Variants in ZNF724 observed in about 807,000 individuals in gnomAD.
ZNF724 encodes the protein zinc finger protein 724.
In ZNF724, 14 loss-of-function variants were observed where a neutral mutation model predicts 29.3. The ratio of observed to expected loss-of-function variants is 0.48; its 90% CI spans 0.32 to 0.75. The LOEUF is 0.75. Ranked by LOEUF, ZNF724 falls within the 30% of genes least tolerant of loss-of-function variation. The probability of loss-of-function intolerance (pLI) is 0.04; values close to 1 mark genes in which losing one functional copy is unlikely to be tolerated. For synonymous variants in ZNF724, 180 were observed against 193.6 expected, an observed-to-expected ratio of 0.93 and a Z score of 0.58; for missense variants, 557 against 571.2, an observed-to-expected ratio of 0.98 and a Z score of 0.25.
intron 3 of ZNF724, among the ~76,000 whole-genome samples, chr19:23,225,682 G>C (rs554456064): frequency 1.3e-5 from 2 of 152,240 alleles, no homozygotes; most frequent in East Asian, 3.9e-4. Context: ...CCTAAAATAA[G>C]ACAGTAACAG....
chr19:23,243,475 C>CAAAA lies in ZNF724; in HGVS notation c.3+6761_3+6764dup, dbSNP rs61241201. On this transcript the variant is annotated intron_variant, in intron 1 of 3. Transcript: ENST00000418100. ...TGAGTGACAGAGCGAGAGTCCATCTCAAAAAAAAAAAAAAAAAAAAAAAAA... is the reference window on the plus strand; with the variant it reads ...TGAGTGACAGAGCGAGAGTCCATCTCAAAAAAAAAAAAAAAAAAAAAAAAAAAAA... 1.0e-2 allele frequency among the ~76,000 whole-genome samples: 310 copies of CAAAA among 31,122 alleles called. 30 individuals are homozygous for CAAAA. Among genetic ancestry groups the CAAAA allele is most frequent in the African/African-American group, 0.024 (158 of 6,486 alleles). The allele number at this position is 31,122 out of a possible 152,430, so 20.4% of individuals were successfully genotyped here.
At chr19:23,242,072 T>A (rs1393702001) in intron 1 of ZNF724, among the ~76,000 whole-genome samples, 1 of 152,170 alleles carries the variant, frequency 6.6e-6, no homozygotes, top group Non-Finnish European at 1.5e-5. Context: ...GTAGCACCTC[T>A]ATACATCAAC....
Position 23,250,350 on chromosome 19 carries a change from G to C in ZNF724, c.-108C>G, listed in dbSNP as rs760632410. On this transcript the variant is annotated 5_prime_UTR_variant, in exon 1 of 4. Coordinates refer to ENST00000418100, the MANE Select transcript of ZNF724 (RefSeq NM_001355404.2). ...CTCTAAGAGCAGGGGACACAAAGCAGGGAAGACGAGACCAAGCGCTCCAGC... is the reference window on the plus strand; with the variant it reads ...CTCTAAGAGCAGGGGACACAAAGCACGGAAGACGAGACCAAGCGCTCCAGC... The C allele has an allele frequency of 2.0e-6, 1 of 506,666 alleles. No individual in the cohort carries two copies. The highest frequency in any genetic ancestry group is 3.9e-6 in the Non-Finnish European group (1 of 253,184). 31.4% of individuals were successfully genotyped at this position (506,666 alleles called of 1,614,324 possible).
At chr19:23,243,233 C>G (rs1972166818) in intron 1 of ZNF724, among the ~76,000 whole-genome samples, 1 of 151,780 alleles carries the variant, frequency 6.6e-6, no homozygotes, top group African/African-American at 2.4e-5. Flanking sequence ...AATCCAAGTA[C>G]TTTTGGAGGC....
At chr19:23,232,787 T>A (rs969699998) in intron 1 of ZNF724, among the ~76,000 whole-genome samples, 1 of 143,202 alleles carries the variant, frequency 7.0e-6, no homozygotes, top group Non-Finnish European at 1.5e-5. Flanking sequence ...AAATATTTTA[T>A]CAAACATCCA....
chr19:23,248,454 C>T (rs1972281326), intron 1 of ZNF724, among the ~76,000 whole-genome samples: 1 of 151,946 alleles, frequency 6.6e-6, no homozygotes, highest in Non-Finnish European at 1.5e-5. Context: ...GCTTGGAACA[C>T]ACGTAAAAAA....
At chr19:23,225,657 G>C (rs1476818244) in intron 3 of ZNF724, among the ~76,000 whole-genome samples, 2 of 151,996 alleles carry the variant, frequency 1.3e-5, no homozygotes, top group African/African-American at 4.8e-5. Context: ...GATAAACTTT[G>C]AGAATATTTT....
At position 23,231,365 on chromosome 19, in the gene ZNF724, T is replaced by G. The variant is rs4932841; in HGVS notation, c.131-4A>C. 727,805 of 1,345,566 alleles carry G rather than the reference T, an allele frequency of 0.54. 202,543 individuals are homozygous for G. Among genetic ancestry groups the G allele is most frequent in the East Asian group, 0.7 (29,937 of 42,668 alleles). 83.4% of individuals were successfully genotyped at this position (1,345,566 alleles called of 1,614,324 possible). On this transcript the variant is annotated splice_region_variant and splice_polypyrimidine_tract_variant and intron_variant, in intron 2 of 3. Transcript: ENST00000418100. ...TCTGGCTTAGAGACAGCAATACCTG[T>G]TTTATTAAAAATAAATAACATGAAT...
intron 1 of ZNF724, among the ~76,000 whole-genome samples, chr19:23,238,014 C>A (rs1274628865): frequency 6.6e-6 from 1 of 152,156 alleles, no homozygotes; most frequent in Non-Finnish European, 1.5e-5. Flanking sequence ...TTGTGCTCCA[C>A]TTTTTGTGTG....
chr19:23,247,110 C>A lies in ZNF724; in HGVS notation c.3+3130G>T, dbSNP rs372769542. 1.2e-4 allele frequency among the ~76,000 whole-genome samples: 19 copies of A among 152,246 alleles called. No homozygotes were observed. In the East Asian group the frequency reaches 3.7e-3, roughly 29 times the overall value. On this transcript the variant is annotated intron_variant, in intron 1 of 3. Transcript: ENST00000418100. ...TGGTGGTGTGCACCTGTAATCCCAG[C>A]TACTCAGGAGGCTGAGGAAGGAGAA...
intron 1 of ZNF724, among the ~76,000 whole-genome samples, chr19:23,234,653 T>C (rs1213417820): frequency 1.3e-5 from 2 of 152,152 alleles, no homozygotes; most frequent in African/African-American, 2.4e-5. Flanking sequence ...GATTTTACCA[T>C]GTTGGACAGG....
At chr19:23,247,593 G>A (rs983050375) in intron 1 of ZNF724, among the ~76,000 whole-genome samples, 16 of 152,112 alleles carry the variant, frequency 1.1e-4, no homozygotes, top group Admixed American at 6.5e-4. Flanking sequence ...ACTGCATTAC[G>A]CCCCAATGAG....
chr19:23,249,154 T>C (rs572092112), intron 1 of ZNF724, among the ~76,000 whole-genome samples: 5 of 151,852 alleles, frequency 3.3e-5, no homozygotes, highest in African/African-American at 1.2e-4. Context: ...GCCCCTCTTA[T>C]AAACCAAAAA....
intron 1 of ZNF724, among the ~76,000 whole-genome samples, chr19:23,242,206 C>T (rs1465458939): frequency 6.6e-6 from 1 of 152,132 alleles, no homozygotes; most frequent in Non-Finnish European, 1.5e-5. Flanking sequence ...TTACAAAACA[C>T]TGCTCAAAGA....
intron 1 of ZNF724, among the ~76,000 whole-genome samples, chr19:23,240,739 A>T (rs895752366): frequency 7.3e-5 from 11 of 150,172 alleles, no homozygotes; most frequent in Admixed American, 7.3e-4. Context: ...AAAAAAAAAA[A>T]TGGCAACAGA....
Position 23,223,968 on chromosome 19 carries a change from C to A in ZNF724, c.277G>T (p.Ala93Ser). The A allele has an allele frequency of 1.4e-6, 1 of 726,910 alleles. No individual in the cohort carries two copies. Among genetic ancestry groups the A allele is most frequent in the Admixed American group, 2.1e-5 (1 of 47,962 alleles). The allele number at this position is 726,910 out of a possible 1,614,324, so 45.0% of individuals were successfully genotyped here. A position where few individuals can be genotyped will look rare whatever the true frequency, so the allele number is the denominator to read the frequency against. Reference protein sequence around the residue: ...QDLRPEQSIKASLQRIILRKY... With the variant: ...QDLRPEQSIKSSLQRIILRKY... ...CTCAGTATTATTCTTTGCAAAGAAG[C>A]TTTTATGCTCTGCTCTGGCCGAAGG... Residue 93 changes from alanine (A) to serine (S), a missense_variant, in exon 4 of 4, where the codon GCT becomes TCT. By Grantham distance (99) the Ala-to-Ser change is moderately conservative. Coordinates refer to ENST00000418100, the MANE Select transcript of ZNF724 (RefSeq NM_001355404.2).
Position 23,231,285 on chromosome 19 carries a change from C to T in ZNF724, c.207G>A (p.Glu69=). Reference sequence around the variant, plus strand: ...ACCTACCTGGGGGTTTGGCCACCATCTCATGTCTCTCCATATTCCAGGGCT... The same window carrying T: ...ACCTACCTGGGGGTTTGGCCACCATTTCATGTCTCTCCATATTCCAGGGCT... ...GKEPWNMERH[E]MVAKPPGMCC... is the part of the protein sequence containing the mutation. Residue 69 remains glutamate, a synonymous_variant, in exon 3 of 4, where the codon GAG becomes GAA. Coordinates refer to ENST00000418100, the MANE Select transcript of ZNF724 (RefSeq NM_001355404.2). 7.3e-7 allele frequency: 1 copy of T among 1,365,938 alleles called. No individual in the cohort carries two copies. Among genetic ancestry groups the T allele is most frequent in the South Asian group, 1.2e-5 (1 of 85,018 alleles). The allele number at this position is 1,365,938 out of a possible 1,614,324, so 84.6% of individuals were successfully genotyped here.
At chr19:23,236,786 C>T (rs761438673) in intron 1 of ZNF724, 2 of 152,256 alleles carry the variant, frequency 1.3e-5, no homozygotes, top group East Asian at 1.9e-4. Flanking sequence ...GTTGCTCTCT[C>T]GTCTCCTAGC....
At chr19:23,228,454 CA>C (rs35156216) in intron 3 of ZNF724, among the ~76,000 whole-genome samples, 1,665 of 100,046 alleles carry the variant, frequency 0.017, 24 homozygotes, top group African/African-American at 0.052. Flanking sequence ...GACTTCGTCT[CA>C]AAAAAAAAAA....
Sources: gnomAD v4.1 joint callset for allele counts (sites outside exome capture counted in the v4.1 genomes callset) on GRCh38, gnomAD v4.1.1 for gene constraint, MANE v1.5 for transcripts, NCBI Gene and HGNC (gene_info 2026-07-23, HGNC 2026-07-21) for gene names.